Variants in CALD1 observed in about 807,000 individuals in gnomAD.
The protein encoded by CALD1 is caldesmon 1.
In CALD1, 33 loss-of-function variants were observed where a neutral mutation model predicts 99.9. That is an observed-to-expected ratio of 0.33 (90% CI 0.25 to 0.44). CALD1 has a LOEUF of 0.44. Ranked by LOEUF, CALD1 falls within the 20% of genes least tolerant of loss-of-function variation. The pLI is 1.00. For missense variants in CALD1, 861 were observed against 962.1 expected (o/e 0.89, Z 1.39); for synonymous variants, 310 against 325.0 (o/e 0.95, Z 0.50).
the CALD1 span, among the ~76,000 whole-genome samples, chr7:134,715,991 G>C: frequency 1.3e-5 from 2 of 152,018 alleles, no homozygotes; most frequent in Non-Finnish European, 2.9e-5. Context: ...AAGTTTTAGG[G>C]TACATGTGCA....
At chr7:134,854,384 G>C (rs890314859) in intron 2 of CALD1, among the ~76,000 whole-genome samples, 9 of 152,144 alleles carry the variant, frequency 5.9e-5, no homozygotes, top group Admixed American at 2.0e-4. Flanking sequence ...GTTGTTTCCT[G>C]ACTTTTTAAT....
rs1185183880 is a variant in CALD1, at chr7:134,952,169, C to T, written c.1935+1655C>T. Among the ~76,000 whole-genome samples the T allele has an allele frequency of 3.3e-5, 5 of 151,852 alleles. No homozygotes were observed. The South Asian group carries it at 8.3e-4, about 25-fold the overall frequency. On this transcript the variant is annotated intron_variant, in intron 9 of 14. Coordinates refer to ENST00000361675, the MANE Select transcript of CALD1 (RefSeq NM_033138.4). ...TACAAAAATTAGCCAGGTGTGATGGCGCACACCTGTAATCCCAGGTATTTG... is the reference window on the plus strand; with the variant it reads ...TACAAAAATTAGCCAGGTGTGATGGTGCACACCTGTAATCCCAGGTATTTG...
intron 1 of CALD1, among the ~76,000 whole-genome samples, chr7:134,829,121 T>C (rs557399177): frequency 6.6e-6 from 1 of 152,344 alleles, no homozygotes; most frequent in East Asian, 1.9e-4. Context: ...TGAGGAATCA[T>C]TAGTAAACAC....
intron 3 of CALD1, among the ~76,000 whole-genome samples, chr7:134,877,481 A>G (rs1431816964): frequency 6.6e-6 from 1 of 152,230 alleles, no homozygotes; most frequent in Non-Finnish European, 1.5e-5. Context: ...TCACAATGAT[A>G]TATACATATG....
At chr7:134,914,888 C>G (rs1053204510) in intron 3 of CALD1, among the ~76,000 whole-genome samples, 2 of 152,192 alleles carry the variant, frequency 1.3e-5, no homozygotes, top group African/African-American at 2.4e-5. Flanking sequence ...CACATTCTAC[C>G]TATTATCACA....
chr7:134,843,111 T>C (rs1586085297), intron 1 of CALD1, among the ~76,000 whole-genome samples: 1 of 152,198 alleles, frequency 6.6e-6, no homozygotes, highest in East Asian at 1.9e-4. Context: ...TTCCTTCATC[T>C]TGGGCCTTTT....
At chr7:134,724,177 C>T in the CALD1 span, among the ~76,000 whole-genome samples, 5 of 152,162 alleles carry the variant, frequency 3.3e-5, no homozygotes, top group African/African-American at 1.2e-4. Context: ...TGGCCAGCTT[C>T]GAGTTCCAGC....
intron 2 of CALD1, among the ~76,000 whole-genome samples, chr7:134,858,848 G>T (rs1800435054): frequency 6.6e-6 from 1 of 152,164 alleles, no homozygotes; most frequent in African/African-American, 2.4e-5. Flanking sequence ...GATCACAGGT[G>T]TGAGCCACCA....
At chr7:134,836,343 A>G (rs972800131) in intron 1 of CALD1, among the ~76,000 whole-genome samples, 3 of 152,100 alleles carry the variant, frequency 2.0e-5, no homozygotes, top group Non-Finnish European at 2.9e-5. Flanking sequence ...CATCCATTGG[A>G]AAATTTAATA....
intron 2 of CALD1, among the ~76,000 whole-genome samples, chr7:134,851,589 C>T (rs571325947): frequency 6.6e-6 from 1 of 152,146 alleles, no homozygotes; most frequent in Non-Finnish European, 1.5e-5. Flanking sequence ...TCAAAATGAA[C>T]GTGTGTTTAT....
At chr7:134,711,689 TGTGTG>T in the CALD1 span, among the ~76,000 whole-genome samples, 1 of 55,964 alleles carries the variant, frequency 1.8e-5, no homozygotes, top group Non-Finnish European at 4.1e-5. Context: ...TATGTGTGTG[TGTGTG>T]TGTGTGTGTG....
chr7:134,776,731 T>C (rs1796921756), upstream of CALD1, among the ~76,000 whole-genome samples: 1 of 152,224 alleles, frequency 6.6e-6, no homozygotes. Context: ...TTCTATTGAA[T>C]AAAGTAGGCA....
At chr7:134,813,818 G>A (rs1798451999) in intron 1 of CALD1, among the ~76,000 whole-genome samples, 1 of 152,108 alleles carries the variant, frequency 6.6e-6, no homozygotes, top group African/African-American at 2.4e-5. Context: ...TCCTCCAGCT[G>A]GATTTAGCTT....
At chr7:134,830,225 A>G (rs992359743) in intron 1 of CALD1, among the ~76,000 whole-genome samples, 8 of 152,114 alleles carry the variant, frequency 5.3e-5, no homozygotes, top group African/African-American at 1.9e-4. Flanking sequence ...GCTTTCTCAA[A>G]CCACCAGAGG....
chr7:134,773,782 C>CTGTGTGTGTGTG (rs36104737), intron 1 of CALD1, among the ~76,000 whole-genome samples: 16 of 138,656 alleles, frequency 1.2e-4, no homozygotes, highest in African/African-American at 4.3e-4. Context: ...AACCTCTCTT[C>CTGTGTGTGTGTG]TGTGTGTGTG....
intron 9 of CALD1, among the ~76,000 whole-genome samples, chr7:134,953,817 T>A (rs968872957): frequency 6.6e-6 from 1 of 152,146 alleles, no homozygotes; most frequent in African/African-American, 2.4e-5. Flanking sequence ...AGGAAGCCAT[T>A]TATCTACTCC....
intron 3 of CALD1, chr7:134,868,172 C>T (rs1489285924): frequency 6.1e-6 from 1 of 162,794 alleles, no homozygotes; most frequent in African/African-American, 2.4e-5. Flanking sequence ...ATTGGAACCA[C>T]TTAGGACATG....
the CALD1 span, among the ~76,000 whole-genome samples, chr7:134,737,649 C>T: frequency 6.6e-6 from 1 of 152,036 alleles, no homozygotes; most frequent in African/African-American, 2.4e-5. Flanking sequence ...AGGTAGTGCT[C>T]GTGAATTCTA....
chr7:134,885,426 AC>A (rs548199272), intron 3 of CALD1, among the ~76,000 whole-genome samples: 2 of 152,154 alleles, frequency 1.3e-5, no homozygotes, highest in African/African-American at 4.8e-5. Context: ...AGGTCTGACC[AC>A]CCCCCAAAAA....
Sources: gnomAD v4.1 joint callset for allele counts (sites outside exome capture counted in the v4.1 genomes callset) on GRCh38, gnomAD v4.1.1 for gene constraint, MANE v1.5 for transcripts, NCBI Gene and HGNC (gene_info 2026-07-23, HGNC 2026-07-21) for gene names.